The following MYO7A variants were observed in gnomAD, a reference collection of about 807,000 sequenced individuals.
MYO7A encodes myosin VIIA, also known as unconventional myosin-VIIa.
Under a neutral mutation model 263.8 loss-of-function variants are expected in MYO7A, and 210 were observed. That is an observed-to-expected ratio of 0.80 (90% CI 0.71 to 0.89). The LOEUF (loss-of-function observed/expected upper bound fraction) is 0.89, where lower values mean the gene tolerates loss of function less well. Ranked by LOEUF, MYO7A falls within the 40% of genes least tolerant of loss-of-function variation. The probability of loss-of-function intolerance (pLI) is 0.00; values close to 1 mark genes in which losing one functional copy is unlikely to be tolerated. For missense variants in MYO7A, 2,820 were observed against 2,968.3 expected (o/e 0.95, Z 1.16); for synonymous variants, 1,239 against 1,197.3 (o/e 1.03, Z -0.72).
At chr11:77,191,528 A>G (rs904917364) in intron 30 of MYO7A, among the ~76,000 whole-genome samples, 5 of 152,170 alleles carry the variant, frequency 3.3e-5, no homozygotes, top group African/African-American at 1.2e-4. Context: ...ACGGCATCTG[A>G]TGGAGAAACT....
At chr11:77,162,471 T>C in intron 13 of MYO7A, 141 bp downstream of exon 13, 1 of 825,546 alleles carries the variant, frequency 1.2e-6, no homozygotes, top group Non-Finnish European at 1.9e-6. Flanking sequence ...AATTCAAGTA[T>C]AGGCATCTGC....
intron 27 of MYO7A, among the ~76,000 whole-genome samples, chr11:77,185,763 C>T (rs1185847609): frequency 6.6e-6 from 1 of 152,112 alleles, no homozygotes; most frequent in Non-Finnish European, 1.5e-5. Context: ...TTGATTTTGC[C>T]CAGATCCACC....
At chr11:77,214,555 G>C in intron 48 of MYO7A, 52 bp from the exon 49 acceptor site, 1 of 1,335,744 alleles carries the variant, frequency 7.5e-7, no homozygotes, top group South Asian at 1.3e-5. Context: ...TGGTCTGAGT[G>C]GCTGGCCCTG....
At position 77,214,593 on chromosome 11, in the gene MYO7A, A is replaced by ACC. The variant is rs1565496297; in HGVS notation, c.6559-11_6559-10dup. The ACC allele has an allele frequency of 6.5e-7, 1 of 1,546,396 alleles. No homozygotes were observed. The highest frequency in any genetic ancestry group is 8.8e-7 in the Non-Finnish European group (1 of 1,138,126). On this transcript the variant is annotated splice_polypyrimidine_tract_variant and intron_variant, in intron 48 of 48. Transcript: ENST00000409709. ...CCACCGTGTGCTCGCTTATCTTCTC[A>ACC]CCCCTGCTTCCAGGGCTACAAGATG... is the stretch of plus-strand genomic sequence containing the variant.
At chr11:77,183,199 G>T (rs781833276) in intron 26 of MYO7A, 42 bp downstream of exon 26, 1 of 1,497,424 alleles carries the variant, frequency 6.7e-7, no homozygotes, top group South Asian at 1.2e-5. Flanking sequence ...AGGGGTGGCT[G>T]CCTTAGGTGG....
chr11:77,206,999 T>G (rs972393663), intron 41 of MYO7A: 9 of 291,776 alleles, frequency 3.1e-5, no homozygotes, highest in African/African-American at 1.9e-4. Context: ...CTTCCAGTCA[T>G]CCTGCTGTGC....
At chr11:77,164,845 A>G (rs1240581026) in intron 14 of MYO7A, among the ~76,000 whole-genome samples, 2 of 152,238 alleles carry the variant, frequency 1.3e-5, no homozygotes, top group East Asian at 3.8e-4. Context: ...TAGAATTGGT[A>G]ACTGAAGCCC....
At chr11:77,134,503 C>A (rs964607786) in intron 2 of MYO7A, among the ~76,000 whole-genome samples, 18 of 151,888 alleles carry the variant, frequency 1.2e-4, no homozygotes, top group African/African-American at 4.1e-4. Context: ...GTTGCCCAAG[C>A]TGGTGTGCAG....
In MYO7A at chr11:77,183,099, G is replaced by C. The variant is rs782621564; in HGVS notation, c.3317G>C (p.Ser1106Thr). 3 of 1,551,918 alleles carry C rather than the reference G, an allele frequency of 1.9e-6. No homozygotes were observed. The highest frequency in any genetic ancestry group is 2.4e-5 in the South Asian group (2 of 84,084). ...CTCCCCGAGGGCCAGAAGAAGAGCA[G>C]TGTGAGGCACAAGCTGGTGCATTTG... ...AQLPEGQKKS[S>T]VRHKLVHLTL... The change falls in exon 26 of 49, where the codon AGT becomes ACT. Residue 1106 changes from serine to threonine, a missense_variant. By Grantham distance (58) the Ser-to-Thr change is moderately conservative. Transcript: ENST00000409709.
Position 77,155,915 on chromosome 11 carries a change from G to A in MYO7A, c.294G>A (p.Thr98=), listed in dbSNP as rs781861485. The part of the protein sequence containing the change: ...RYRDHLIYTY[T]GSILVAVNPY... ...TCTCTTGCTGCCCGCAGACGTATACGGGCTCCATCCTGGTGGCTGTGAACC... is the reference window on the plus strand; with the variant it reads ...TCTCTTGCTGCCCGCAGACGTATACAGGCTCCATCCTGGTGGCTGTGAACC... Residue 98 remains threonine (T), a synonymous_variant, in exon 5 of 49, where the codon ACG becomes ACA. Coordinates refer to ENST00000409709, the MANE Select transcript of MYO7A (RefSeq NM_000260.4). 1.4e-5 allele frequency: 22 copies of A among 1,601,874 alleles called. No individual in the cohort carries two copies. Among genetic ancestry groups the A allele is most frequent in the Middle Eastern group, 3.3e-4 (2 of 6,060 alleles).
In MYO7A at chr11:77,155,968, C is replaced by T; in HGVS notation, c.347C>T (p.Pro116Leu). ...NPYQLLSIYS[P>L]EHIRQYTNKK... ...TACCAGCTGCTCTCCATCTACTCGC[C>T]AGAGCACATCCGCCAGTATACCAAC... The change falls in exon 5 of 49, where the codon CCA becomes CTA. Residue 116 changes from proline to leucine, a missense_variant. Transcript: ENST00000409709. 1 of 1,613,178 alleles carries T rather than the reference C, an allele frequency of 6.2e-7. No individual in the cohort carries two copies. The highest frequency in any genetic ancestry group is 8.5e-7 in the Non-Finnish European group (1 of 1,179,556).
At chr11:77,154,083 C>A (rs1213455793) in intron 4 of MYO7A, among the ~76,000 whole-genome samples, 3 of 152,198 alleles carry the variant, frequency 2.0e-5, no homozygotes, top group African/African-American at 7.2e-5. Context: ...CCACTGCACC[C>A]AGCCTGGGCG....
intron 41 of MYO7A, 112 bp downstream of exon 41, chr11:77,206,314 C>T (rs1388611060): frequency 1.0e-5 from 8 of 770,858 alleles, no homozygotes; most frequent in African/African-American, 5.3e-5. Flanking sequence ...TTTGCCGCCT[C>T]GTCCTCCTGC....
chr11:77,206,939 G>A (rs557640118), intron 41 of MYO7A: 6 of 193,886 alleles, frequency 3.1e-5, no homozygotes, highest in East Asian at 1.3e-4. Flanking sequence ...TTTCCCCTCC[G>A]CTTTTGGGTT....
At chr11:77,131,874 G>C (rs1453346816) in intron 2 of MYO7A, among the ~76,000 whole-genome samples, 1 of 152,246 alleles carries the variant, frequency 6.6e-6, no homozygotes, top group Non-Finnish European at 1.5e-5. Context: ...CTCTGCAGTT[G>C]CACAGGCCGG....
At chr11:77,211,422 A>G (rs1957863937) in intron 45 of MYO7A, 85 bp downstream of exon 45, 1 of 1,397,436 alleles carries the variant, frequency 7.2e-7, no homozygotes, top group Non-Finnish European at 9.7e-7. Context: ...GACACTGGCC[A>G]GCAGCCCAGG....
rs727505004 is a variant in MYO7A at position 77,203,063 on chromosome 11, C to G, written c.5172C>G (p.Pro1724=). The change falls in exon 38 of 49, where the codon CCC becomes CCG. Residue 1724 remains proline, a synonymous_variant. Coordinates refer to ENST00000409709, the MANE Select transcript of MYO7A (RefSeq NM_000260.4). ...GACGGTCCCTGTGCTGCGGCAGGCC[C>G]CCACCCAAGCACACGCTGAGCCGTG... The part of the protein sequence containing the change: ...LEEFSYDYFR[P]PPKHTLSRVM... 354 of 1,547,752 alleles carry G rather than the reference C, an allele frequency of 2.3e-4. 1 individual carries two copies. Among genetic ancestry groups the G allele is most frequent in the South Asian group, 5.1e-4 (43 of 83,952 alleles).
rs528442685 is a variant in MYO7A at position 77,175,303 on chromosome 11, G to C, written c.2095-69G>C. 31 of 1,428,380 alleles carry C rather than the reference G, an allele frequency of 2.2e-5. 1 individual carries two copies. The Admixed American group carries it at 3.9e-4, about 18-fold the overall frequency. The allele number at this position is 1,428,380 out of a possible 1,614,324, so 88.5% of individuals were successfully genotyped here. ...GGGAAGAGCCCTGCCTCTCAGCCTC[G>C]GGGACACTCCGGAGGCCTTCCCACT... On this transcript the variant is annotated intron_variant, in intron 17 of 48. Coordinates refer to ENST00000409709, the MANE Select transcript of MYO7A (RefSeq NM_000260.4).
chr11:77,146,220 C>T (rs185332897), intron 3 of MYO7A, among the ~76,000 whole-genome samples: 187 of 152,290 alleles, frequency 1.2e-3, no homozygotes, highest in African/African-American at 3.6e-3. Flanking sequence ...CCCGTGTTCC[C>T]TGGCTAGGAT....
Sources: gnomAD v4.1 joint callset for allele counts (sites outside exome capture counted in the v4.1 genomes callset) on GRCh38, gnomAD v4.1.1 for gene constraint, MANE v1.5 for transcripts, NCBI Gene and HGNC (gene_info 2026-07-23, HGNC 2026-07-21) for gene names.